The following COL25A1 variants were observed in gnomAD, a reference collection of about 807,000 sequenced individuals.
COL25A1 encodes the protein collagen type XXV alpha 1 chain.
A neutral mutation model predicts 128.4 loss-of-function variants in COL25A1; 103 were observed. The observed-to-expected ratio is 0.80, with a 90% confidence interval of 0.68 to 0.94. The LOEUF (loss-of-function observed/expected upper bound fraction) is 0.94. COL25A1 is among the 40% of genes least tolerant of loss of function. The probability of loss-of-function intolerance (pLI) is 0.00; values close to 1 mark genes in which losing one functional copy is unlikely to be tolerated. For missense variants in COL25A1, 745 were observed against 840.0 expected (o/e 0.89, Z 1.40); for synonymous variants, 279 against 277.2 (o/e 1.01, Z -0.06).
chr4:108,855,226 G>C (rs34539297), intron 24 of COL25A1, among the ~76,000 whole-genome samples: 4,560 of 137,598 alleles, frequency 0.033, 117 homozygotes, highest in Non-Finnish European at 0.051. Flanking sequence ...GTTGTAAAAG[G>C]TAAAATGTCC....
chr4:109,194,661 A>G (rs1324612582), intron 3 of COL25A1, among the ~76,000 whole-genome samples: 1 of 152,166 alleles, frequency 6.6e-6, no homozygotes, highest in East Asian at 1.9e-4. Flanking sequence ...CTAGATATAT[A>G]CTTTGTTCTC....
At chr4:108,901,959 C>T (rs1224899787) in intron 13 of COL25A1, among the ~76,000 whole-genome samples, 2 of 152,002 alleles carry the variant, frequency 1.3e-5, no homozygotes, top group African/African-American at 4.8e-5. Flanking sequence ...GTGGCTCAAA[C>T]TTACAGCAAT....
At chr4:108,984,153 G>C (rs955431245) in intron 6 of COL25A1, among the ~76,000 whole-genome samples, 1 of 152,214 alleles carries the variant, frequency 6.6e-6, no homozygotes, top group Non-Finnish European at 1.5e-5. Flanking sequence ...AGAGTAGCTA[G>C]ATACAGAGTG....
Position 108,912,404 on chromosome 4 carries a change from T to C in COL25A1, c.780+5768A>G, listed in dbSNP as rs531998412. On this transcript the variant is annotated intron_variant, in intron 13 of 37. Transcript: ENST00000399132. ...ATTCTCACTTTTAACACAAAAAAGA[T>C]TGAATGGTTGTAAGATACTTTCCTT... is the stretch of plus-strand genomic sequence containing the variant. Among the ~76,000 whole-genome samples the C allele has an allele frequency of 6.6e-5, 10 of 152,226 alleles. No individual in the cohort carries two copies. In the East Asian group the frequency reaches 1.5e-3, roughly 24 times the overall value.
At chr4:108,850,700 A>C (rs1735664493) in intron 26 of COL25A1, among the ~76,000 whole-genome samples, 1 of 152,290 alleles carries the variant, frequency 6.6e-6, no homozygotes, top group Non-Finnish European at 1.5e-5. Context: ...TCCCTAGGCC[A>C]TAAGCCCTTT....
chr4:108,895,477 A>G (rs1261172018), intron 16 of COL25A1, among the ~76,000 whole-genome samples: 1 of 152,208 alleles, frequency 6.6e-6, no homozygotes, highest in Non-Finnish European at 1.5e-5. Context: ...TCTATAAAGT[A>G]TGAATCCAAG....
chr4:109,289,918 C>T (rs1458497181), intron 3 of COL25A1, among the ~76,000 whole-genome samples: 2 of 152,076 alleles, frequency 1.3e-5, no homozygotes, highest in Non-Finnish European at 2.9e-5. Context: ...ACATTATTCT[C>T]ATCACATCCT....
intron 3 of COL25A1, among the ~76,000 whole-genome samples, chr4:109,279,111 G>T (rs1411766641): frequency 6.6e-6 from 1 of 151,826 alleles, no homozygotes; most frequent in Non-Finnish European, 1.5e-5. Context: ...ATGAGTTTTG[G>T]GCGGGGGGAT....
intron 3 of COL25A1, among the ~76,000 whole-genome samples, chr4:109,132,051 G>A (rs1444220857): frequency 1.3e-5 from 2 of 152,164 alleles, no homozygotes; most frequent in African/African-American, 4.8e-5. Flanking sequence ...TGCCAATGAG[G>A]TTTTAAAATG....
chr4:108,861,042 T>C, intron 22 of COL25A1, 71 bp from the exon 23 acceptor site: 1 of 1,320,466 alleles, frequency 7.6e-7, no homozygotes, highest in Middle Eastern at 1.8e-4. Flanking sequence ...TAAGAACATG[T>C]TTATGCCATA....
In COL25A1 at chr4:109,065,543, CGCGT is replaced by C. The variant is rs778244963; in HGVS notation, c.368-15368_368-15365del. ...CTTTTTGGTGCAGCACGCGCGCGCG[CGCGT>C]GTGTGTGTGTGTGTGTGTGTGTGTG... On this transcript the variant is annotated intron_variant, in intron 3 of 37. Transcript: ENST00000399132. 4.3e-4 allele frequency among the ~76,000 whole-genome samples: 57 copies of C among 131,214 alleles called. 2 individuals are homozygous for C. The highest frequency in any genetic ancestry group is 1.1e-3 in the African/African-American group (38 of 34,402). The allele number at this position is 131,214 out of a possible 152,430, so 86.1% of individuals were successfully genotyped here.
chr4:108,895,009 C>T (rs998409782), intron 16 of COL25A1, among the ~76,000 whole-genome samples: 2 of 152,070 alleles, frequency 1.3e-5, no homozygotes, highest in East Asian at 3.9e-4. Context: ...AAAAATGATG[C>T]TAAACATCTG....
At chr4:109,180,693 T>C (rs1455301472) in intron 3 of COL25A1, among the ~76,000 whole-genome samples, 2 of 152,100 alleles carry the variant, frequency 1.3e-5, no homozygotes, top group African/African-American at 4.8e-5. Flanking sequence ...TTTATAGATT[T>C]CCATTAAGTT....
At chr4:109,135,615 C>CG (rs1769658279) in intron 3 of COL25A1, among the ~76,000 whole-genome samples, 1 of 151,504 alleles carries the variant, frequency 6.6e-6, no homozygotes, top group African/African-American at 2.4e-5. Flanking sequence ...GGGACTGGTT[C>CG]CTCCCAAACA....
At chr4:109,279,995 G>A (rs912165935) in intron 3 of COL25A1, among the ~76,000 whole-genome samples, 2 of 152,180 alleles carry the variant, frequency 1.3e-5, no homozygotes, top group Non-Finnish European at 2.9e-5. Flanking sequence ...ATCTAGCAAA[G>A]GGTTTACTTT....
rs114462597 is a variant in COL25A1, at chr4:108,989,133, G to A, written c.439-14574C>T. 1.0e-3 allele frequency among the ~76,000 whole-genome samples: 158 copies of A among 152,286 alleles called. 1 individual carries two copies. The highest frequency in any genetic ancestry group is 3.8e-3 in the African/African-American group (157 of 41,568). ...AGTAAACTGCATGCACTTTATTCAG[G>A]GTCCTGCTGGCCCAAATTGGGACTG... On this transcript the variant is annotated intron_variant, in intron 6 of 37. Transcript: ENST00000399132.
rs1019974878 is a variant in COL25A1, at chr4:109,051,708, A to G, written c.368-1529T>C. Among the ~76,000 whole-genome samples, 12 of 152,056 alleles carry G rather than the reference A, an allele frequency of 7.9e-5. 1 individual carries two copies. The highest frequency in any genetic ancestry group is 5.2e-4 in the Admixed American group (8 of 15,254). ...TAAGAATTATATTTTTTCTAGTATA[A>G]CATCACTTAAACTAAGAACTCTCTA... On this transcript the variant is annotated intron_variant, in intron 3 of 37. Transcript: ENST00000399132.
chr4:109,095,447 T>C (rs1397907262), intron 3 of COL25A1, among the ~76,000 whole-genome samples: 1 of 152,204 alleles, frequency 6.6e-6, no homozygotes, highest in Non-Finnish European at 1.5e-5. Context: ...GAGGGCATAA[T>C]GATGCAGAAC....
intron 3 of COL25A1, among the ~76,000 whole-genome samples, chr4:109,255,478 G>T (rs566509391): frequency 1.3e-5 from 2 of 152,262 alleles, no homozygotes; most frequent in Non-Finnish European, 2.9e-5. Flanking sequence ...TATGTGGAGT[G>T]TCTCTGAATG....
Sources: gnomAD v4.1 joint callset for allele counts (sites outside exome capture counted in the v4.1 genomes callset) on GRCh38, gnomAD v4.1.1 for gene constraint, MANE v1.5 for transcripts, NCBI Gene and HGNC (gene_info 2026-07-23, HGNC 2026-07-21) for gene names.